Variants in HIBCH observed in about 807,000 individuals in gnomAD.
HIBCH encodes 3-hydroxyisobutyryl-CoA hydrolase, mitochondrial.
HIBCH carries 50 observed loss-of-function variants against 58.2 expected under a neutral mutation model. The ratio of observed to expected loss-of-function variants is 0.86; its 90% CI spans 0.68 to 1.09. The LOEUF (loss-of-function observed/expected upper bound fraction) is 1.09, where lower values mean the gene tolerates loss of function less well. Among genes scored for constraint, HIBCH ranks in the 50% least tolerant of loss-of-function variants. The pLI is 0.00. For synonymous variants in HIBCH, 151 were observed against 146.9 expected, an observed-to-expected ratio of 1.03 and a Z score of -0.20; for missense variants, 450 against 449.7, an observed-to-expected ratio of 1.00 and a Z score of -0.01.
intron 1 of HIBCH, among the ~76,000 whole-genome samples, chr2:190,319,061 C>G (rs1688780079): frequency 6.6e-6 from 1 of 152,186 alleles, no homozygotes; most frequent in Non-Finnish European, 1.5e-5. Context: ...GGCGCAGCTG[C>G]TACCTGGTAT....
chr2:190,279,487 T>C lies in HIBCH; in HGVS notation c.438+8099A>G, dbSNP rs1439974849. Among the ~76,000 whole-genome samples the C allele has an allele frequency of 1.3e-5, 2 of 152,190 alleles. No homozygotes were observed. The highest frequency in any genetic ancestry group is 1.3e-4 in the Admixed American group (2 of 15,284). ...AAGCCTGTGTAATCAAAACAAGTTATCTACTTCCAAGATACAGTGGTAGGA... is the reference window on the plus strand; with the variant it reads ...AAGCCTGTGTAATCAAAACAAGTTACCTACTTCCAAGATACAGTGGTAGGA... On this transcript the variant is annotated intron_variant, in intron 6 of 13. Transcript: ENST00000359678. This position sits in a 1 kb window ranked among gnomAD's most constrained non-coding sequence, Gnocchi z 4.2.
intron 4 of HIBCH, among the ~76,000 whole-genome samples, chr2:190,293,548 T>G (rs1291125391): frequency 6.6e-6 from 1 of 152,146 alleles, no homozygotes; most frequent in Admixed American, 6.5e-5. Context: ...CAGATCAGTT[T>G]AAGTAATCAA....
chr2:190,233,753 A>T (rs556405397), intron 11 of HIBCH, among the ~76,000 whole-genome samples: 3 of 152,274 alleles, frequency 2.0e-5, no homozygotes, highest in Non-Finnish European at 4.4e-5. Context: ...CACATGGACG[A>T]TAAATATATG....
chr2:190,210,303 G>C lies in HIBCH; in HGVS notation c.1012-1390C>G, dbSNP rs1690487837. ...TTCTAACCTCGTCTACACTTTGACA[G>C]CGTTCAACACTGTCCATTACACCCT... On this transcript the variant is annotated intron_variant, in intron 12 of 13. Transcript: ENST00000359678. The surrounding 1 kb of genome is among the most constrained non-coding windows in gnomAD (Gnocchi z 5.5). 6.6e-6 allele frequency among the ~76,000 whole-genome samples: 1 copy of C among 152,142 alleles called. No homozygotes were observed. Among genetic ancestry groups the C allele is most frequent in the Non-Finnish European group, 1.5e-5 (1 of 68,034 alleles).
intron 7 of HIBCH, among the ~76,000 whole-genome samples, chr2:190,260,906 CT>C (rs975959990): frequency 4.6e-5 from 7 of 152,080 alleles, no homozygotes; most frequent in Admixed American, 2.6e-4. Flanking sequence ...GATATTTTAT[CT>C]ATAGTGTTAA....
At chr2:190,287,449 A>G in intron 6 of HIBCH, 137 bp downstream of exon 6, 1 of 685,544 alleles carries the variant, frequency 1.5e-6, no homozygotes, top group Non-Finnish European at 2.6e-6. Flanking sequence ...CAAATCTGTC[A>G]GGATCCAAAA....
rs551940846 is a variant in HIBCH at position 190,308,389 on chromosome 2, T to C, written c.78+2365A>G. Among the ~76,000 whole-genome samples, 5 of 152,202 alleles carry C rather than the reference T, an allele frequency of 3.3e-5. 1 individual carries two copies. Among genetic ancestry groups the C allele is most frequent in the South Asian group, 4.1e-4 (2 of 4,828 alleles). ...CTCCCAAACTCCTGTTGAAATTTAATCCACACTGTGGCAATACTAAGAGGT... is the reference window on the plus strand; with the variant it reads ...CTCCCAAACTCCTGTTGAAATTTAACCCACACTGTGGCAATACTAAGAGGT... On this transcript the variant is annotated intron_variant, in intron 2 of 13. Coordinates refer to ENST00000359678, the MANE Select transcript of HIBCH (RefSeq NM_014362.4).
chr2:190,296,169 CCAGCACTT>C (rs768764592), intron 3 of HIBCH, among the ~76,000 whole-genome samples: 20 of 152,074 alleles, frequency 1.3e-4, no homozygotes, highest in Non-Finnish European at 2.6e-4. Context: ...GCCTGTAATC[CCAGCACTT>C]TGGGAGGCCG....
At chr2:190,261,100 C>G in intron 7 of HIBCH, 56 bp downstream of exon 7, 1 of 1,264,910 alleles carries the variant, frequency 7.9e-7, no homozygotes, top group East Asian at 2.3e-5. Flanking sequence ...AACTCTGAAA[C>G]ATATCAAAAG....
intron 12 of HIBCH, 130 bp downstream of exon 12, chr2:190,212,826 G>T (rs1690543189): frequency 2.6e-6 from 2 of 765,930 alleles, no homozygotes; most frequent in Admixed American, 2.4e-5. Context: ...CTGGCCTGTT[G>T]TGTTTTTGTA....
chr2:190,227,623 C>G (rs1170719705), intron 11 of HIBCH, among the ~76,000 whole-genome samples: 2 of 152,128 alleles, frequency 1.3e-5, no homozygotes, highest in Non-Finnish European at 2.9e-5. Context: ...AGGCAACCTA[C>G]AGAATGGGAG....
At chr2:190,302,353 C>A (rs770972794) in intron 2 of HIBCH, among the ~76,000 whole-genome samples, 2 of 152,178 alleles carry the variant, frequency 1.3e-5, no homozygotes, top group Non-Finnish European at 2.9e-5. Flanking sequence ...CATGTATGCA[C>A]ATGCATGCCA....
At chr2:190,213,099 C>T in intron 11 of HIBCH, 24 bp from the exon 12 acceptor site, 1 of 1,547,346 alleles carries the variant, frequency 6.5e-7, no homozygotes, top group Non-Finnish European at 8.9e-7. Flanking sequence ...AAATTTACTA[C>T]TGTTAGTCCA....
chr2:190,288,898 G>T (rs980914650), intron 5 of HIBCH, among the ~76,000 whole-genome samples: 11 of 152,182 alleles, frequency 7.2e-5, no homozygotes, highest in African/African-American at 2.6e-4. Context: ...GATCACCTAG[G>T]GTCAGGAGTT....
intron 1 of HIBCH, among the ~76,000 whole-genome samples, chr2:190,314,325 ATATG>A (rs1325933335): frequency 0.076 from 206 of 2,712 alleles, 4 homozygotes; most frequent in Middle Eastern, 0.5. Context: ...ATATATGTAT[ATATG>A]TATATATACA....
chr2:190,252,180 G>C lies in HIBCH; in HGVS notation c.645C>G (p.His215Gln), dbSNP rs765739060. ...AAAGTACCTTTTCAGAATCTACAAAGTGTGTAGCAATTCCTGCTCTGTACA... is the reference window on the plus strand; with the variant it reads ...AAAGTACCTTTTCAGAATCTACAAACTGTGTAGCAATTCCTGCTCTGTACA... ...RDVYRAGIAT[H>Q]FVDSEKLAML... The change falls in exon 8 of 14, where the codon CAC (histidine) becomes CAG (glutamine). Residue 215 changes from histidine to glutamine, a missense_variant. Coordinates refer to ENST00000359678, the MANE Select transcript of HIBCH (RefSeq NM_014362.4). The C allele has an allele frequency of 1.9e-6, 3 of 1,613,834 alleles. No individual in the cohort carries two copies. Among genetic ancestry groups the C allele is most frequent in the South Asian group, 1.1e-5 (1 of 91,068 alleles).
chr2:190,257,763 A>T (rs1249099657), intron 7 of HIBCH, among the ~76,000 whole-genome samples: 1 of 152,150 alleles, frequency 6.6e-6, no homozygotes, highest in Non-Finnish European at 1.5e-5. Flanking sequence ...GGCAAAAGGC[A>T]AGGGTGAGAC....
intron 12 of HIBCH, among the ~76,000 whole-genome samples, chr2:190,212,376 G>A (rs554275521): frequency 7.9e-5 from 12 of 152,174 alleles, no homozygotes; most frequent in African/African-American, 2.6e-4. Context: ...TGCTTCTTAA[G>A]GGTCCTCTGA....
At chr2:190,190,280 C>T (rs1291903715) in intron 1 of HIBCH, among the ~76,000 whole-genome samples, 1 of 152,176 alleles carries the variant, frequency 6.6e-6, no homozygotes, top group Non-Finnish European at 1.5e-5. Context: ...TTCATAGGGT[C>T]ACTATTGTCC....
Sources: gnomAD v4.1 joint callset for allele counts (sites outside exome capture counted in the v4.1 genomes callset) on GRCh38, gnomAD v4.1.1 for gene constraint, Gnocchi (gnomAD v3.1) non-coding constraint, MANE v1.5 for transcripts, NCBI Gene and HGNC (gene_info 2026-07-23, HGNC 2026-07-21) for gene names.